Variants in CYSLTR2 observed in about 807,000 individuals in gnomAD.
CYSLTR2 encodes the protein cysteinyl leukotriene receptor 2.
For missense variants in CYSLTR2, 398 were observed against 411.9 expected (o/e 0.97, Z 0.29); for synonymous variants, 179 against 160.8 (o/e 1.11, Z -0.86).
At chr13:48,687,527 T>C (rs565395076) in intron 1 of CYSLTR2, among the ~76,000 whole-genome samples, 4 of 152,252 alleles carry the variant, frequency 2.6e-5, no homozygotes, top group African/African-American at 7.2e-5. Flanking sequence ...TCATCTATTA[T>C]CTATCAATTA....
chr13:48,688,505 G>T (rs1953954050), intron 1 of CYSLTR2, among the ~76,000 whole-genome samples: 1 of 152,154 alleles, frequency 6.6e-6, no homozygotes, highest in Non-Finnish European at 1.5e-5. Context: ...AGAAGATGTG[G>T]TGTTTGCTTT....
chr13:48,687,481 T>A (rs1953924991), intron 1 of CYSLTR2, among the ~76,000 whole-genome samples: 1 of 152,152 alleles, frequency 6.6e-6, no homozygotes, highest in African/African-American at 2.4e-5. Flanking sequence ...CAAATATTTA[T>A]CATCTATCAA....
At chr13:48,665,880 G>A (rs1031562265) in intron 1 of CYSLTR2, among the ~76,000 whole-genome samples, 1 of 151,928 alleles carries the variant, frequency 6.6e-6, no homozygotes, top group African/African-American at 2.4e-5. Flanking sequence ...CTTGTTTTGT[G>A]TATCTTTTGT....
intron 4 of CYSLTR2, among the ~76,000 whole-genome samples, chr13:48,699,452 A>C (rs1954283293): frequency 6.6e-6 from 1 of 152,256 alleles, no homozygotes. Flanking sequence ...GCAGAAATAA[A>C]GATGTTCTTT....
intron 3 of CYSLTR2, among the ~76,000 whole-genome samples, chr13:48,694,137 T>C (rs971230805): frequency 4.6e-5 from 7 of 152,074 alleles, no homozygotes; most frequent in Admixed American, 4.6e-4. Context: ...TCTCCAGAAT[T>C]TGGGCAAAGG....
chr13:48,687,352 T>G (rs997239996), intron 1 of CYSLTR2, among the ~76,000 whole-genome samples: 1 of 151,964 alleles, frequency 6.6e-6, no homozygotes, highest in South Asian at 2.1e-4. Context: ...TCTATCTATC[T>G]ATTATCATCT....
chr13:48,655,368 G>A (rs968892336), intron 1 of CYSLTR2, among the ~76,000 whole-genome samples: 1 of 152,208 alleles, frequency 6.6e-6, no homozygotes, highest in African/African-American at 2.4e-5. Context: ...GGCAGAAGGT[G>A]GCTCACTCTG....
intron 1 of CYSLTR2, among the ~76,000 whole-genome samples, chr13:48,669,728 C>A (rs1953370059): frequency 1.3e-5 from 2 of 152,152 alleles, no homozygotes; most frequent in Non-Finnish European, 2.9e-5. Context: ...GAATAAGCTG[C>A]AATAAACATA....
At chr13:48,680,093 T>C (rs1953707926) in intron 1 of CYSLTR2, among the ~76,000 whole-genome samples, 1 of 152,208 alleles carries the variant, frequency 6.6e-6, no homozygotes, top group Non-Finnish European at 1.5e-5. Flanking sequence ...ATTTGCACTG[T>C]AGCAATTTGC....
At chr13:48,659,008 T>C (rs1194394339) in intron 1 of CYSLTR2, among the ~76,000 whole-genome samples, 1 of 151,982 alleles carries the variant, frequency 6.6e-6, no homozygotes, top group African/African-American at 2.4e-5. Context: ...GTGCCCATTG[T>C]GCAGGTGAAA....
intron 1 of CYSLTR2, among the ~76,000 whole-genome samples, chr13:48,673,981 G>A (rs1040134657): frequency 1.3e-5 from 2 of 152,156 alleles, no homozygotes; most frequent in Non-Finnish European, 2.9e-5. Context: ...GAGTTTCTGC[G>A]GAGAGATCTG....
intron 1 of CYSLTR2, among the ~76,000 whole-genome samples, chr13:48,660,066 G>A (rs1593928159): frequency 6.6e-6 from 1 of 152,116 alleles, no homozygotes; most frequent in Non-Finnish European, 1.5e-5. Context: ...TTGAATTTTT[G>A]TTTGTTTATT....
intron 1 of CYSLTR2, among the ~76,000 whole-genome samples, chr13:48,670,380 A>C (rs1265804598): frequency 6.6e-6 from 1 of 152,102 alleles, no homozygotes; most frequent in East Asian, 1.9e-4. Context: ...GATATAGCCT[A>C]GGTTTTCCTT....
At chr13:48,688,112 T>G (rs962430201) in intron 1 of CYSLTR2, among the ~76,000 whole-genome samples, 9 of 152,116 alleles carry the variant, frequency 5.9e-5, no homozygotes, top group African/African-American at 2.2e-4. Context: ...TGTGAGGACC[T>G]CAGCAGATGT....
chr13:48,690,694 G>A (rs1954016446), intron 1 of CYSLTR2, among the ~76,000 whole-genome samples: 1 of 152,066 alleles, frequency 6.6e-6, no homozygotes, highest in Admixed American at 6.6e-5. Context: ...ATGTTCATCA[G>A]GGAAATTGGC....
intron 4 of CYSLTR2, among the ~76,000 whole-genome samples, chr13:48,698,726 C>A (rs949762936): frequency 1.3e-5 from 2 of 152,098 alleles, no homozygotes; most frequent in African/African-American, 4.8e-5. Flanking sequence ...CACAGACTGG[C>A]AAATCAGATA....
At chr13:48,692,537 T>G (rs567511961) in intron 2 of CYSLTR2, among the ~76,000 whole-genome samples, 1 of 151,618 alleles carries the variant, frequency 6.6e-6, no homozygotes, top group African/African-American at 2.4e-5. Flanking sequence ...GCTTTAAAAT[T>G]AAATCTATTA....
At chr13:48,693,706 AG>A (rs1954094373) in intron 3 of CYSLTR2, among the ~76,000 whole-genome samples, 196 bp downstream of exon 3, 1 of 152,200 alleles carries the variant, frequency 6.6e-6, no homozygotes, top group Admixed American at 6.5e-5. Context: ...GAATATAAAA[AG>A]AGTGACATTA....
chr13:48,654,943 G>A (rs1158473289), intron 1 of CYSLTR2, among the ~76,000 whole-genome samples: 3 of 152,124 alleles, frequency 2.0e-5, no homozygotes, highest in Non-Finnish European at 2.9e-5. Context: ...AGAGTAATAT[G>A]TATTAGGAGA....
Sources: gnomAD v4.1 joint callset for allele counts (sites outside exome capture counted in the v4.1 genomes callset) on GRCh38, gnomAD v4.1.1 for gene constraint, MANE v1.5 for transcripts, NCBI Gene and HGNC (gene_info 2026-07-23, HGNC 2026-07-21) for gene names.